The following IGSF8 variants were observed in gnomAD, a reference collection of about 807,000 sequenced individuals.
IGSF8 encodes immunoglobulin superfamily member 8.
In IGSF8, 46 loss-of-function variants were observed where a neutral mutation model predicts 55.5. The ratio of observed to expected loss-of-function variants is 0.83; its 90% CI spans 0.65 to 1.06. The LOEUF is 1.06. Among genes scored for constraint, IGSF8 ranks in the 50% least tolerant of loss-of-function variants. The probability of loss-of-function intolerance (pLI) is 0.00; values close to 1 mark genes in which losing one functional copy is unlikely to be tolerated. For missense variants in IGSF8, 731 were observed against 832.3 expected (o/e 0.88, Z 1.50); for synonymous variants, 314 against 356.1 (o/e 0.88, Z 1.33).
chr1:160,094,596 G>A lies in IGSF8; in HGVS notation c.442+273C>T, dbSNP rs1650281807. The stretch of plus-strand genomic sequence containing the variant: ...ACCCAACAGTCTTCTTCGTTCTTGG[G>A]AATGGAAAGTGGACTGGACAACTTA... On this transcript the variant is annotated intron_variant, in intron 2 of 6. Transcript: ENST00000314485. This position sits in a 1 kb window ranked among gnomAD's most constrained non-coding sequence, Gnocchi z 4.0. Among the ~76,000 whole-genome samples, 1 of 152,066 alleles carries A rather than the reference G, an allele frequency of 6.6e-6. No individual in the cohort carries two copies. Among genetic ancestry groups the A allele is most frequent in the Non-Finnish European group, 1.5e-5 (1 of 68,016 alleles).
chr1:160,093,461 T>G, intron 3 of IGSF8, 130 bp from the exon 4 acceptor site: 1 of 907,548 alleles, frequency 1.1e-6, no homozygotes, highest in Non-Finnish European at 1.7e-6. Context: ...TCACTAGGTA[T>G]GACCATCTTT....
chr1:160,097,787 T>C (rs1307448232), intron 1 of IGSF8: 1 of 985,338 alleles, frequency 1.0e-6, no homozygotes, highest in East Asian at 1.1e-4. Flanking sequence ...GCAAGGAAGC[T>C]GGAACTAAGC....
At chr1:160,095,269 T>C (rs373275792) in intron 1 of IGSF8, 23 bp from the exon 2 acceptor site, 1 of 1,584,050 alleles carries the variant, frequency 6.3e-7, no homozygotes, top group South Asian at 1.1e-5. Flanking sequence ...GCAGAAGGAG[T>C]TGGAGATGCC....
At chr1:160,098,624 T>C, upstream of IGSF8, 1 of 559,926 alleles carries the variant, frequency 1.8e-6, no homozygotes, top group Non-Finnish European at 3.1e-6. Flanking sequence ...CCGAATCCCC[T>C]CCCTCCGCCC....
chr1:160,096,755 T>G (rs1001751076), intron 1 of IGSF8, among the ~76,000 whole-genome samples: 12 of 152,202 alleles, frequency 7.9e-5, no homozygotes, highest in African/African-American at 2.9e-4. Context: ...GTTTCCACAC[T>G]GGAGGAGAAC....
At chr1:160,097,175 C>G (rs1650490488) in intron 1 of IGSF8, among the ~76,000 whole-genome samples, 1 of 152,232 alleles carries the variant, frequency 6.6e-6, no homozygotes, top group Admixed American at 6.5e-5. Flanking sequence ...TAAGTGCCCA[C>G]AGGCAGTGGG....
intron 5 of IGSF8, 98 bp downstream of exon 5, chr1:160,092,184 A>C: frequency 7.8e-7 from 1 of 1,281,584 alleles, no homozygotes; most frequent in Non-Finnish European, 1.1e-6. Context: ...TGTGGAGGAG[A>C]GAGATAGTAG....
rs1329652172 is a variant in IGSF8 at position 160,094,040 on chromosome 1, T to C, written c.574A>G (p.Thr192Ala). 6.2e-7 allele frequency: 1 copy of C among 1,614,074 alleles called. No individual in the cohort carries two copies. The highest frequency in any genetic ancestry group is 1.7e-5 in the Admixed American group (1 of 60,032). Reference sequence around the variant, plus strand: ...ACTGCCAGGTGTGTGTGCTTCTGTGTGCTTGTCCTCGCCAGGCAGCCCAGT... The same window carrying C: ...ACTGCCAGGTGTGTGTGCTTCTGTGCGCTTGTCCTCGCCAGGCAGCCCAGT... ...LALGCLARTS[T>A]QKHTHLAVSF... Residue 192 changes from threonine to alanine, a missense_variant, in exon 3 of 7, where the codon ACA becomes GCA. Thr to Ala is a moderately conservative substitution (Grantham distance 58, BLOSUM62 0). Coordinates refer to ENST00000314485, the MANE Select transcript of IGSF8 (RefSeq NM_052868.6). This position sits in a 1 kb window ranked among gnomAD's most constrained non-coding sequence, Gnocchi z 4.0.
Position 160,091,930 on chromosome 1 carries a change from T to C in IGSF8, c.1735A>G (p.Thr579Ala). The C allele has an allele frequency of 6.2e-7, 1 of 1,607,182 alleles. No individual in the cohort carries two copies. Among genetic ancestry groups the C allele is most frequent in the Non-Finnish European group, 8.5e-7 (1 of 1,173,862 alleles). The change falls in exon 6 of 7, where the codon ACC (threonine) becomes GCC (alanine). Residue 579 changes from threonine (T) to alanine (A), a missense_variant. Physicochemically the swap from Thr to Ala is moderately conservative, Grantham distance 58 (BLOSUM62 0). Coordinates refer to ENST00000314485, the MANE Select transcript of IGSF8 (RefSeq NM_052868.6). ...CCCACCAGCAGAGGCACAAATAGGG[T>C]GTCCAGGGCTGGGGGAGAGAGGATG... Reference protein sequence around the residue: ...TVYPYMHALDTLFVPLLVGTG... With the variant: ...TVYPYMHALDALFVPLLVGTG...
chr1:160,095,176 G>C lies in IGSF8; in HGVS notation c.135C>G (p.Val45=), dbSNP rs1409409841. Reference sequence around the variant, plus strand: ...AGCCGGTCACATTGCAGGAGATGGAGACAGCTGTGCCAGCCACGCGGTACA... The same window carrying C: ...AGCCGGTCACATTGCAGGAGATGGACACAGCTGTGCCAGCCACGCGGTACA... ...GPLYRVAGTA[V]SISCNVTGYE... is the part of the protein sequence containing the mutation. Residue 45 remains valine (V), a synonymous_variant, in exon 2 of 7, where the codon GTC becomes GTG. Coordinates refer to ENST00000314485, the MANE Select transcript of IGSF8 (RefSeq NM_052868.6). 4 of 1,612,022 alleles carry C rather than the reference G, an allele frequency of 2.5e-6. No individual in the cohort carries two copies. Among genetic ancestry groups the C allele is most frequent in the Non-Finnish European group, 2.5e-6 (3 of 1,180,026 alleles).
Position 160,098,425 on chromosome 1 carries a change from C to A in IGSF8, c.48G>T (p.Leu16=). The change falls in exon 1 of 7, where the codon CTG becomes CTT. Residue 16 remains leucine, a synonymous_variant. Transcript: ENST00000314485. ...PTLLPPSLPL[L]LLLMLGMGCW... is the part of the protein sequence containing the mutation. ...CTGGCTTACCTAGCATTAGCAGCAGCAGCAGCGGCAGCGAAGGCGGCAGCA... is the reference window on the plus strand; with the variant it reads ...CTGGCTTACCTAGCATTAGCAGCAGAAGCAGCGGCAGCGAAGGCGGCAGCA... 1 of 1,548,674 alleles carries A rather than the reference C, an allele frequency of 6.5e-7. No homozygotes were observed. Among genetic ancestry groups the A allele is most frequent in the South Asian group, 1.2e-5 (1 of 83,918 alleles).
At position 160,093,343 on chromosome 1, in the gene IGSF8, G is replaced by C. The variant is rs765582168; in HGVS notation, c.905-12C>G. On this transcript the variant is annotated splice_polypyrimidine_tract_variant and intron_variant, in intron 3 of 6. Transcript: ENST00000314485. ...TGCCAGCTGGCTGGCTGAAACACAG[G>C]TAGGGGAAGAGGTGTCATGGAGGCA... is the stretch of plus-strand genomic sequence containing the variant. 6.4e-7 allele frequency: 1 copy of C among 1,572,074 alleles called. No homozygotes were observed. The highest frequency in any genetic ancestry group is 8.7e-7 in the Non-Finnish European group (1 of 1,151,750).
rs772647463 is a variant in IGSF8 at position 160,091,943 on chromosome 1, G to A, written c.1727-5C>T. 7 of 1,582,228 alleles carry A rather than the reference G, an allele frequency of 4.4e-6. No homozygotes were observed. In the South Asian group the frequency reaches 7.7e-5, roughly 17 times the overall value. ...GCACAAATAGGGTGTCCAGGGCTGG[G>A]GGAGAGAGGATGACTGTTCAGAGAG... On this transcript the variant is annotated splice_polypyrimidine_tract_variant and splice_region_variant and intron_variant, in intron 5 of 6. Transcript: ENST00000314485.
At chr1:160,092,052 C>A (rs1016106307) in intron 5 of IGSF8, 114 bp from the exon 6 acceptor site, 3 of 838,472 alleles carry the variant, frequency 3.6e-6, no homozygotes, top group Admixed American at 2.1e-5. Context: ...TTCACAGACA[C>A]CCCCATCCCT....
chr1:160,092,131 G>A (rs1373458865), intron 5 of IGSF8, 151 bp downstream of exon 5: 2 of 959,904 alleles, frequency 2.1e-6, no homozygotes, highest in South Asian at 1.5e-5. Flanking sequence ...GGTGGGCACT[G>A]CAGGGCTGGA....
rs1650302839 is a variant in IGSF8, at chr1:160,094,865, G to A, written c.442+4C>T. ...TGGCTCCACCCCGTCCCAGGGCCCA[G>A]TACCTCTCAGCTCCACCTTGCCGCT... On this transcript the variant is annotated splice_donor_region_variant and intron_variant, in intron 2 of 6. Coordinates refer to ENST00000314485, the MANE Select transcript of IGSF8 (RefSeq NM_052868.6). This position sits in a 1 kb window ranked among gnomAD's most constrained non-coding sequence, Gnocchi z 4.0. 1 of 1,610,028 alleles carries A rather than the reference G, an allele frequency of 6.2e-7. No individual in the cohort carries two copies.
Position 160,091,400 on chromosome 1 carries a change from G to C in IGSF8, c.*224C>G. The C allele has an allele frequency of 5.9e-6, 1 of 170,908 alleles. No homozygotes were observed. The highest frequency in any genetic ancestry group is 1.2e-5 in the Non-Finnish European group (1 of 80,050). 10.6% of individuals were successfully genotyped at this position (170,908 alleles called of 1,614,324 possible). On this transcript the variant is annotated 3_prime_UTR_variant, in exon 7 of 7. Transcript: ENST00000314485. ...AAAACTAATTCCAGGACAGGAAATGGCCTCCCTATAGGATCCCTAAGAGAT... is the reference window on the plus strand; with the variant it reads ...AAAACTAATTCCAGGACAGGAAATGCCCTCCCTATAGGATCCCTAAGAGAT...
At chr1:160,095,278 C>T (rs772704732) in intron 1 of IGSF8, 32 bp from the exon 2 acceptor site, 10 of 1,572,792 alleles carry the variant, frequency 6.4e-6, no homozygotes, top group Admixed American at 1.7e-5. Context: ...GTTGGAGATG[C>T]CTGGTTCCTC....
chr1:160,092,113 C>G (rs1330853906), intron 5 of IGSF8, among the ~76,000 whole-genome samples, 169 bp downstream of exon 5: 1 of 152,210 alleles, frequency 6.6e-6, no homozygotes, highest in African/African-American at 2.4e-5. Flanking sequence ...CACAGAGGAC[C>G]CCGTGCAGGT....
Sources: allele counts gnomAD v4.1 joint callset (sites outside exome capture counted in the v4.1 genomes callset), GRCh38; gene constraint gnomAD v4.1.1; non-coding constraint Gnocchi (gnomAD v3.1); transcripts MANE v1.5; gene names NCBI Gene and HGNC (gene_info 2026-07-23, HGNC 2026-07-21).